The following SCRG1 variants were observed in gnomAD, a reference collection of about 807,000 sequenced individuals.
SCRG1 encodes the protein scrapie-responsive protein 1.
SCRG1 carries 3 observed loss-of-function variants against 7.7 expected under a neutral mutation model. The ratio of observed to expected loss-of-function variants is 0.39; its 90% CI spans 0.18 to 1.01. SCRG1 has a LOEUF of 1.01. SCRG1 is among the 50% of genes least tolerant of loss of function. The pLI is 0.36. For synonymous variants in SCRG1, 46 were observed against 41.2 expected, an observed-to-expected ratio of 1.12 and a Z score of -0.44; for missense variants, 110 against 117.2, an observed-to-expected ratio of 0.94 and a Z score of 0.28.
At chr4:173,433,993 G>C in the SCRG1 span, among the ~76,000 whole-genome samples, 2 of 152,254 alleles carry the variant, frequency 1.3e-5, no homozygotes, top group South Asian at 4.1e-4. Flanking sequence ...TTGCTTTTTA[G>C]CCTTTCAACA....
upstream of SCRG1, among the ~76,000 whole-genome samples, chr4:173,409,560 T>C (rs1739993732): frequency 6.6e-6 from 1 of 150,848 alleles, no homozygotes; most frequent in Non-Finnish European, 1.5e-5. Flanking sequence ...ATGAATTCCC[T>C]GGATCTGCGT....
At chr4:173,464,823 A>T in the SCRG1 span, among the ~76,000 whole-genome samples, 1 of 152,334 alleles carries the variant, frequency 6.6e-6, no homozygotes, top group Admixed American at 6.5e-5. Context: ...CACCATAGCC[A>T]AAAGGTAGAA....
At chr4:173,509,688 C>T in the SCRG1 span, among the ~76,000 whole-genome samples, 3 of 152,038 alleles carry the variant, frequency 2.0e-5, no homozygotes, top group Non-Finnish European at 4.4e-5. This position sits in a 1 kb window ranked among gnomAD's most constrained non-coding sequence, Gnocchi z 5.7. Flanking sequence ...AGCGCGGACT[C>T]GGGGTGTCGG....
At chr4:173,479,442 TG>T in the SCRG1 span, among the ~76,000 whole-genome samples, 174 of 143,914 alleles carry the variant, frequency 1.2e-3, 7 homozygotes, top group Middle Eastern at 3.6e-3. Context: ...TTTGTTTTTT[TG>T]TTTTTTTTTT....
the SCRG1 span, among the ~76,000 whole-genome samples, chr4:173,515,666 C>T: frequency 2.0e-5 from 3 of 151,910 alleles, no homozygotes; most frequent in African/African-American, 7.3e-5. The surrounding 1 kb of genome is among the most constrained non-coding windows in gnomAD (Gnocchi z 4.6). Flanking sequence ...GGTGGTGGGG[C>T]TGTGTGTCAC....
chr4:173,419,689 G>C, the SCRG1 span: 1 of 830,394 alleles, frequency 1.2e-6, no homozygotes, highest in African/African-American at 1.6e-5. Flanking sequence ...CTCCCTTCGG[G>C]GCACCAAACA....
At chr4:173,481,566 T>C in the SCRG1 span, among the ~76,000 whole-genome samples, 2 of 152,064 alleles carry the variant, frequency 1.3e-5, no homozygotes, top group Non-Finnish European at 2.9e-5. Context: ...TGTGTCTGGC[T>C]CTCCTGCCTC....
intron 1 of SCRG1, among the ~76,000 whole-genome samples, chr4:173,394,133 G>A (rs1739529175): frequency 6.6e-6 from 1 of 152,128 alleles, no homozygotes; most frequent in East Asian, 1.9e-4. Flanking sequence ...TGATAGGGAA[G>A]AATTTACTAT....
chr4:173,483,921 A>G, the SCRG1 span, among the ~76,000 whole-genome samples: 1 of 99,354 alleles, frequency 1.0e-5, no homozygotes. Context: ...AATATATGTT[A>G]TATATTTCAT....
upstream of SCRG1, among the ~76,000 whole-genome samples, chr4:173,400,551 A>C (rs1358172110): frequency 6.6e-6 from 1 of 152,232 alleles, no homozygotes; most frequent in Non-Finnish European, 1.5e-5. Context: ...CAATCAACTC[A>C]ATATCAAATA....
At chr4:173,518,186 G>A in the SCRG1 span, among the ~76,000 whole-genome samples, 3 of 152,120 alleles carry the variant, frequency 2.0e-5, no homozygotes, top group Non-Finnish European at 4.4e-5. Context: ...AAAGAGGACC[G>A]GGAGGGCAGG....
the SCRG1 span, among the ~76,000 whole-genome samples, chr4:173,498,879 A>G: frequency 2.6e-5 from 4 of 152,322 alleles, no homozygotes; most frequent in African/African-American, 9.6e-5. Context: ...CAGGTTTTCT[A>G]ACTATTGGTT....
chr4:173,449,633 T>C, the SCRG1 span, among the ~76,000 whole-genome samples: 1 of 152,210 alleles, frequency 6.6e-6, no homozygotes, highest in African/African-American at 2.4e-5. Context: ...ACCTCCTACC[T>C]GATCTGCTTA....
the SCRG1 span, among the ~76,000 whole-genome samples, chr4:173,472,466 A>G: frequency 6.6e-6 from 1 of 152,230 alleles, no homozygotes; most frequent in Non-Finnish European, 1.5e-5. Flanking sequence ...AGAAGTCCCC[A>G]GATCTGCAGT....
the SCRG1 span, among the ~76,000 whole-genome samples, chr4:173,477,653 T>C: frequency 6.6e-6 from 1 of 152,264 alleles, no homozygotes; most frequent in East Asian, 1.9e-4. Context: ...GGGTCTTGTT[T>C]TTGTTTTTCT....
the SCRG1 span, among the ~76,000 whole-genome samples, chr4:173,503,829 A>G: frequency 2.0e-5 from 3 of 152,118 alleles, no homozygotes; most frequent in Non-Finnish European, 4.4e-5. The surrounding 1 kb of genome is among the most constrained non-coding windows in gnomAD (Gnocchi z 6.4). Context: ...GATCTGCCCA[A>G]ACTCCCAACA....
chr4:173,509,770 C>T, the SCRG1 span, among the ~76,000 whole-genome samples: 1 of 152,122 alleles, frequency 6.6e-6, no homozygotes, highest in African/African-American at 2.4e-5. The surrounding 1 kb of genome is among the most constrained non-coding windows in gnomAD (Gnocchi z 5.7). Flanking sequence ...AGAGATTCCT[C>T]AGGAGGAAGT....
chr4:173,477,081 A>C, the SCRG1 span, among the ~76,000 whole-genome samples: 1,200 of 152,290 alleles, frequency 7.9e-3, 12 homozygotes, highest in African/African-American at 0.023. Flanking sequence ...GCAGCACTGC[A>C]TGTAAGAGGA....
At chr4:173,409,967 A>G (rs753503704), upstream of SCRG1, among the ~76,000 whole-genome samples, 1 of 152,222 alleles carries the variant, frequency 6.6e-6, no homozygotes, top group African/African-American at 2.4e-5. Context: ...TTGTGGCCTT[A>G]CAATGGATGT....
Sources: gnomAD v4.1 joint callset for allele counts (sites outside exome capture counted in the v4.1 genomes callset) on GRCh38, gnomAD v4.1.1 for gene constraint, Gnocchi (gnomAD v3.1) non-coding constraint, MANE v1.5 for transcripts, NCBI Gene and HGNC (gene_info 2026-07-23, HGNC 2026-07-21) for gene names.